SHB: variants seen among roughly 807,000 people sequenced by gnomAD.
SHB encodes SH2 domain-containing adapter protein B.
Under a neutral mutation model 52.3 loss-of-function variants are expected in SHB, and 20 were observed. That is an observed-to-expected ratio of 0.38 (90% CI 0.27 to 0.56). The LOEUF (loss-of-function observed/expected upper bound fraction) is 0.56. Among genes scored for constraint, SHB ranks in the 20% least tolerant of loss-of-function variants. The probability of loss-of-function intolerance (pLI) is 0.71; values close to 1 mark genes in which losing one functional copy is unlikely to be tolerated. For missense variants in SHB, 825 were observed against 723.3 expected, an observed-to-expected ratio of 1.14 and a Z score of -1.61; for synonymous variants, 397 against 316.5, an observed-to-expected ratio of 1.25 and a Z score of -2.70.
At chr9:38,041,170 A>T (rs1370321520) in intron 1 of SHB, among the ~76,000 whole-genome samples, 1 of 152,184 alleles carries the variant, frequency 6.6e-6, no homozygotes, top group Non-Finnish European at 1.5e-5. Context: ...AAACTGAAAC[A>T]AGCCTTTCCC....
chr9:38,058,769 C>T (rs542001465), intron 1 of SHB, among the ~76,000 whole-genome samples: 1 of 152,302 alleles, frequency 6.6e-6, no homozygotes, highest in East Asian at 1.9e-4. Flanking sequence ...CCCTGAACCA[C>T]CGAGGCATGC....
At chr9:37,949,256 G>A (rs1237978091) in intron 4 of SHB, among the ~76,000 whole-genome samples, 2 of 151,994 alleles carry the variant, frequency 1.3e-5, no homozygotes, top group African/African-American at 2.4e-5. Flanking sequence ...AGCCGGGCGT[G>A]GTGGTGGGCG....
rs761955316 is a variant in SHB, at chr9:37,918,306, C to T, written c.*1515G>A. ...AGAGCTGAGAAACTCTTAGCCTCAT[C>T]GGGGCTGCCTGGCCTGTGTGGGAGG... On this transcript the variant is annotated 3_prime_UTR_variant, in exon 6 of 6. Transcript: ENST00000377707. 4.6e-5 allele frequency among the ~76,000 whole-genome samples: 7 copies of T among 152,212 alleles called. No individual in the cohort carries two copies. Among genetic ancestry groups the T allele is most frequent in the African/African-American group, 7.2e-5 (3 of 41,462 alleles).
chr9:38,024,186 G>A (rs1821313945), intron 1 of SHB, among the ~76,000 whole-genome samples: 1 of 152,260 alleles, frequency 6.6e-6, no homozygotes, highest in Non-Finnish European at 1.5e-5. Flanking sequence ...TTCAGGGGCA[G>A]GGAGCTCATG....
intron 5 of SHB, among the ~76,000 whole-genome samples, chr9:37,924,960 C>A (rs540763699): frequency 1.3e-5 from 2 of 152,350 alleles, no homozygotes; most frequent in South Asian, 4.1e-4. Flanking sequence ...CCTCTTTCTG[C>A]CCCAAGATCT....
chr9:37,993,431 G>T (rs776047547), intron 2 of SHB, among the ~76,000 whole-genome samples: 2 of 152,198 alleles, frequency 1.3e-5, no homozygotes, highest in Non-Finnish European at 1.5e-5. Context: ...CCCAGGGAGG[G>T]ATAGCATTAG....
At chr9:38,036,479 G>A (rs1016230094) in intron 1 of SHB, among the ~76,000 whole-genome samples, 8 of 152,322 alleles carry the variant, frequency 5.3e-5, no homozygotes, top group African/African-American at 1.7e-4. Context: ...CTCTGCCCAC[G>A]CAGGACTTGG....
chr9:37,986,385 G>C (rs1337010155), intron 2 of SHB, among the ~76,000 whole-genome samples: 1 of 152,114 alleles, frequency 6.6e-6, no homozygotes, highest in Admixed American at 6.5e-5. Context: ...GAAGGAAACA[G>C]GGAATGGCCC....
At chr9:38,017,333 G>A (rs116986264) in intron 1 of SHB, among the ~76,000 whole-genome samples, 1,558 of 152,276 alleles carry the variant, frequency 0.01, 18 homozygotes, top group Middle Eastern at 0.034. Context: ...TTTAAATTGT[G>A]GGTTTAATTA....
intron 5 of SHB, among the ~76,000 whole-genome samples, chr9:37,923,749 T>C (rs1229298016): frequency 6.6e-6 from 1 of 152,124 alleles, no homozygotes; most frequent in Non-Finnish European, 1.5e-5. Flanking sequence ...CCAGGCAGCA[T>C]GTATTCTGAG....
At chr9:37,985,755 C>A (rs1391531706) in intron 2 of SHB, among the ~76,000 whole-genome samples, 1 of 152,228 alleles carries the variant, frequency 6.6e-6, no homozygotes, top group African/African-American at 2.4e-5. Context: ...AGATGCTGAG[C>A]ACTAGATGCA....
At position 37,919,512 on chromosome 9, in the gene SHB, G is replaced by A. The variant is rs112347221; in HGVS notation, c.*309C>T. The A allele has an allele frequency of 4.0e-3, 621 of 154,094 alleles. 3 individuals carry two copies. The highest frequency in any genetic ancestry group is 0.015 in the African/African-American group (585 of 39,008). The allele number at this position is 154,094 out of a possible 1,614,324, so 9.5% of individuals were successfully genotyped here. ...CCCGCCCCACCCTACCCCGCCCCTC[G>A]GAGCTGGTCTGCCTTTGTTCATCCT... On this transcript the variant is annotated 3_prime_UTR_variant, in exon 6 of 6. Transcript: ENST00000377707.
intron 1 of SHB, among the ~76,000 whole-genome samples, chr9:38,045,608 C>T (rs1020191779): frequency 1.3e-5 from 2 of 151,810 alleles, no homozygotes; most frequent in Non-Finnish European, 2.9e-5. Flanking sequence ...GAGACCCTGT[C>T]TCCAAAAAAA....
At position 37,948,600 on chromosome 9, in the gene SHB, C is replaced by A. The variant is rs201498715; in HGVS notation, c.1346+35G>T. 341 of 1,608,828 alleles carry A rather than the reference C, an allele frequency of 2.1e-4. No homozygotes were observed. In the African/African-American group the frequency reaches 3.9e-3, roughly 18 times the overall value. On this transcript the variant is annotated intron_variant, in intron 5 of 5. Transcript: ENST00000377707. ...GGCCGGCTGCGCTCGCAGAGGCTGC[C>A]GAGGAGGGCTGGGGGTGCTCGGGGC...
intron 1 of SHB, among the ~76,000 whole-genome samples, chr9:38,025,893 G>C (rs376276586): frequency 6.6e-6 from 1 of 152,312 alleles, no homozygotes; most frequent in East Asian, 1.9e-4. Flanking sequence ...ACTCCTGAGC[G>C]GGTGACAGAA....
intron 1 of SHB, among the ~76,000 whole-genome samples, chr9:38,055,792 C>T (rs73439931): frequency 6.6e-6 from 1 of 152,078 alleles, no homozygotes; most frequent in South Asian, 2.1e-4. Flanking sequence ...CTGAAACACT[C>T]GCTTGGCTCA....
At chr9:37,976,364 G>A (rs1345167993) in intron 2 of SHB, among the ~76,000 whole-genome samples, 1 of 152,236 alleles carries the variant, frequency 6.6e-6, no homozygotes, top group South Asian at 2.1e-4. Context: ...CATGATTAAC[G>A]TACAGTTCAG....
At chr9:37,936,157 A>G (rs759586221) in intron 5 of SHB, among the ~76,000 whole-genome samples, 2 of 152,168 alleles carry the variant, frequency 1.3e-5, no homozygotes, top group Non-Finnish European at 2.9e-5. Flanking sequence ...CAGAGGTTGC[A>G]GTGAGCCGAG....
chr9:37,973,993 G>A (rs552360077), intron 3 of SHB, among the ~76,000 whole-genome samples: 1 of 152,328 alleles, frequency 6.6e-6, no homozygotes, highest in Admixed American at 6.5e-5. Context: ...GGTGGCTCAC[G>A]CCTGTAATCC....
Sources: gnomAD v4.1 joint callset for allele counts (sites outside exome capture counted in the v4.1 genomes callset) on GRCh38, gnomAD v4.1.1 for gene constraint, MANE v1.5 for transcripts, NCBI Gene and HGNC (gene_info 2026-07-23, HGNC 2026-07-21) for gene names.